DICER1: variants seen among roughly 807,000 people sequenced by gnomAD.
The protein encoded by DICER1 is endoribonuclease Dicer.
A neutral mutation model predicts 194.1 loss-of-function variants in DICER1; 43 were observed. The observed-to-expected ratio is 0.22, with a 90% CI of 0.17 to 0.29. DICER1 has a LOEUF of 0.29. Among genes scored for constraint, DICER1 ranks in the 10% least tolerant of loss-of-function variants. The pLI is 1.00. For synonymous variants in DICER1, 832 were observed against 820.5 expected (o/e 1.01, Z -0.24); for missense variants, 1,608 against 2,317.0 (o/e 0.69, Z 6.28).
chr14:95,094,203 C>T (rs1029037562), intron 23 of DICER1, 47 bp from the exon 24 acceptor site: 8 of 1,608,792 alleles, frequency 5.0e-6, no homozygotes, highest in Admixed American at 1.7e-5. Context: ...GAAGCATTTA[C>T]ACTATCCCCA....
intron 7 of DICER1, among the ~76,000 whole-genome samples, chr14:95,125,775 G>A (rs1893393315): frequency 1.2e-5 from 1 of 86,608 alleles, no homozygotes; most frequent in Non-Finnish European, 2.3e-5. Context: ...AGGGGAGGGG[G>A]AGGGAGGGGA....
At chr14:95,114,943 G>A (rs1043087338) in intron 11 of DICER1, among the ~76,000 whole-genome samples, 39 of 152,156 alleles carry the variant, frequency 2.6e-4, no homozygotes, top group African/African-American at 8.9e-4. Flanking sequence ...AGAGACTAAA[G>A]AATGGTTCCA....
rs1555371838 is a variant in DICER1 at position 95,112,213 on chromosome 14, C to T, written c.2075G>A (p.Arg692Lys). 2 of 1,613,932 alleles carry T rather than the reference C, an allele frequency of 1.2e-6. No homozygotes were observed. Among genetic ancestry groups the T allele is most frequent in the African/African-American group, 1.3e-5 (1 of 74,908 alleles). ...PPMSCVRLAE[R>K]VVALICCEKL... Reference sequence around the variant, plus strand: ...CTCACAGCAAATGAGAGCTACAACTCTTTCAGCCAATCGTACACAGCTCAT... The same window carrying T: ...CTCACAGCAAATGAGAGCTACAACTTTTTCAGCCAATCGTACACAGCTCAT... Residue 692 changes from arginine (R) to lysine (K), a missense_variant, in exon 13 of 27, where the codon AGA (arginine) becomes AAA (lysine). Coordinates refer to ENST00000343455, the MANE Select transcript of DICER1 (RefSeq NM_177438.3).
rs1435991472 is a variant in DICER1, at chr14:95,133,278, G to T, written c.144+37C>A. 7 of 1,609,678 alleles carry T rather than the reference G, an allele frequency of 4.3e-6. No homozygotes were observed. The African/African-American group carries it at 5.3e-5, about 12-fold the overall frequency. ...CTATATGCTAATGTATTCCATTTTAGTGTAGAATGCTCCAGTATTAGTGTT... is the reference window on the plus strand; with the variant it reads ...CTATATGCTAATGTATTCCATTTTATTGTAGAATGCTCCAGTATTAGTGTT... On this transcript the variant is annotated intron_variant, in intron 2 of 26. Coordinates refer to ENST00000343455, the MANE Select transcript of DICER1 (RefSeq NM_177438.3).
rs1218509492 is a variant in DICER1, at chr14:95,090,228, T to C, written c.*270A>G. On this transcript the variant is annotated 3_prime_UTR_variant, in exon 27 of 27. Coordinates refer to ENST00000343455, the MANE Select transcript of DICER1 (RefSeq NM_177438.3). ...TTGAGCACTTGCTAAATGTCATCAT[T>C]AAAGCACTCTTGTGATTTAAACAAA... 1 of 502,474 alleles carries C rather than the reference T, an allele frequency of 2.0e-6. No homozygotes were observed. Among genetic ancestry groups the C allele is most frequent in the East Asian group, 3.5e-5 (1 of 28,526 alleles). 31.1% of individuals were successfully genotyped at this position (502,474 alleles called of 1,614,324 possible). A position where few individuals can be genotyped will look rare whatever the true frequency, so the allele number is the denominator to read the frequency against.
intron 1 of DICER1, among the ~76,000 whole-genome samples, chr14:95,154,866 C>CAAA (rs77879997): frequency 1.5e-5 from 1 of 65,704 alleles, no homozygotes; most frequent in African/African-American, 4.8e-5. Flanking sequence ...TTTACCATGC[C>CAAA]AAAAAAAAAA....
At chr14:95,138,989 AAAAAT>A (rs1251682952) in intron 1 of DICER1, among the ~76,000 whole-genome samples, 151 of 33,072 alleles carry the variant, frequency 4.6e-3, no homozygotes, top group African/African-American at 0.026. Context: ...AAATAAATAA[AAAAAT>A]AAAAAAAAAA....
chr14:95,149,101 G>A (rs536074985), intron 1 of DICER1, among the ~76,000 whole-genome samples: 1 of 152,198 alleles, frequency 6.6e-6, no homozygotes, highest in African/African-American at 2.4e-5. Flanking sequence ...TGCAACGAGT[G>A]CTAGAATTTT....
chr14:95,151,731 A>G (rs940330508), intron 1 of DICER1, among the ~76,000 whole-genome samples: 2 of 152,230 alleles, frequency 1.3e-5, no homozygotes, highest in African/African-American at 4.8e-5. Context: ...AATACCATGA[A>G]TCAGAGCAAC....
At chr14:95,108,172 T>C (rs1276620221) in intron 15 of DICER1, 79 bp from the exon 16 acceptor site, 1 of 1,336,422 alleles carries the variant, frequency 7.5e-7, no homozygotes, top group African/African-American at 1.4e-5. Context: ...AGAACAGAAA[T>C]GATGCTTTCT....
Position 95,105,940 on chromosome 14 carries a change from G to C in DICER1, c.2987+101C>G. ...GCAAAGCATCTCCTGATTTCAGATA[G>C]TCCACGGGTGGGCAGGGGGACAGTG... On this transcript the variant is annotated intron_variant, in intron 18 of 26. Transcript: ENST00000343455. This position sits in a 1 kb window ranked among gnomAD's most constrained non-coding sequence, Gnocchi z 4.9. 2.1e-6 allele frequency: 3 copies of C among 1,446,864 alleles called. No homozygotes were observed. The highest frequency in any genetic ancestry group is 2.9e-6 in the Non-Finnish European group (3 of 1,028,544). The allele number at this position is 1,446,864 out of a possible 1,614,324, so 89.6% of individuals were successfully genotyped here.
At chr14:95,115,493 T>C (rs1271977374) in intron 11 of DICER1, among the ~76,000 whole-genome samples, 174 bp downstream of exon 11, 3 of 152,208 alleles carry the variant, frequency 2.0e-5, no homozygotes, top group East Asian at 1.9e-4. Context: ...GATACTGTTT[T>C]TGCCTTTTGA....
intron 24 of DICER1, among the ~76,000 whole-genome samples, chr14:95,093,300 C>T (rs1447860818): frequency 6.6e-6 from 1 of 152,186 alleles, no homozygotes; most frequent in Admixed American, 6.5e-5. Flanking sequence ...AAGCAATATC[C>T]TTTCCTACAA....
Position 95,086,381 on chromosome 14 carries a change from T to A in DICER1, c.*4117A>T, listed in dbSNP as rs1307365736. 2 of 233,068 alleles carry A rather than the reference T, an allele frequency of 8.6e-6. No individual in the cohort carries two copies. Among genetic ancestry groups the A allele is most frequent in the Non-Finnish European group, 1.7e-5 (2 of 117,880 alleles). The allele number at this position is 233,068 out of a possible 1,614,324, so 14.4% of individuals were successfully genotyped here. On this transcript the variant is annotated 3_prime_UTR_variant, in exon 27 of 27. Transcript: ENST00000343455. ...GACATCATGTTCCTTAAAAAACAGC[T>A]GCAGCATGTGATGGTAAATATTTTA...
rs572342736 is a variant in DICER1 at position 95,128,864 on chromosome 14, C to T, written c.734+608G>A. Among the ~76,000 whole-genome samples the T allele has an allele frequency of 2.4e-4, 37 of 152,284 alleles. No homozygotes were observed. The East Asian group carries it at 5.4e-3, about 22-fold the overall frequency. On this transcript the variant is annotated intron_variant, in intron 6 of 26. Transcript: ENST00000343455. ...AATGGAAGGCTATTTTGACATAAAT[C>T]GAATTCATTGCATTTGAAAAGCCAT...
intron 1 of DICER1, among the ~76,000 whole-genome samples, chr14:95,155,940 A>G (rs771166576): frequency 6.6e-6 from 1 of 152,242 alleles, no homozygotes; most frequent in South Asian, 2.1e-4. Flanking sequence ...GTAGCTTTAA[A>G]GTAGACTTTG....
intron 9 of DICER1, among the ~76,000 whole-genome samples, chr14:95,117,410 T>C (rs942038744): frequency 6.6e-6 from 1 of 152,216 alleles, no homozygotes; most frequent in Non-Finnish European, 1.5e-5. Flanking sequence ...AGACACAAAA[T>C]TGGTTTGCCA....
chr14:95,152,142 A>G (rs920374225), intron 1 of DICER1, among the ~76,000 whole-genome samples: 3 of 152,214 alleles, frequency 2.0e-5, no homozygotes, highest in Non-Finnish European at 4.4e-5. Flanking sequence ...CTGTCAAAGA[A>G]CGAACAAGCA....
chr14:95,103,549 T>C lies in DICER1; in HGVS notation c.3847A>G (p.Ile1283Val), dbSNP rs548255758. 5.6e-6 allele frequency: 9 copies of C among 1,613,986 alleles called. No homozygotes were observed. Among genetic ancestry groups the C allele is most frequent in the African/African-American group, 5.3e-5 (4 of 74,896 alleles). Residue 1283 changes from isoleucine (I) to valine (V), a missense_variant, in exon 21 of 27, where the codon ATT becomes GTT. By Grantham distance (29) the Ile-to-Val change is conservative. This residue lies in a region of DICER1 where 222 missense variants were observed against 215.5 expected (regional missense o/e 1.03). Coordinates refer to ENST00000343455, the MANE Select transcript of DICER1 (RefSeq NM_177438.3). ...GRMDSEQSPS[I>V]GYSSRTLGPN... ...CCAAGAGTCCTTGAGGAGTACCCAA[T>C]AGAAGGGCTCTGCTCAGAATCCATC... is the stretch of plus-strand genomic sequence containing the variant.
Sources: gnomAD v4.1 joint callset for allele counts (sites outside exome capture counted in the v4.1 genomes callset) on GRCh38, gnomAD v4.1.1 for gene constraint, gnomAD v4.1.1 regional missense constraint, Gnocchi (gnomAD v3.1) non-coding constraint, MANE v1.5 for transcripts, NCBI Gene and HGNC (gene_info 2026-07-23, HGNC 2026-07-21) for gene names.